Variants in LRRC7 observed in about 807,000 individuals in gnomAD.
LRRC7 encodes leucine-rich repeat-containing protein 7.
A neutral mutation model predicts 175.7 loss-of-function variants in LRRC7; 23 were observed. The ratio of observed to expected loss-of-function variants is 0.13; its 90% CI spans 0.09 to 0.19. The LOEUF (loss-of-function observed/expected upper bound fraction) is 0.19, where lower values mean the gene tolerates loss of function less well. Among genes scored for constraint, LRRC7 ranks in the 10% least tolerant of loss-of-function variants. The probability of loss-of-function intolerance (pLI) is 1.00; values close to 1 mark genes in which losing one functional copy is unlikely to be tolerated. For synonymous variants in LRRC7, 685 were observed against 680.9 expected (o/e 1.01, Z -0.09); for missense variants, 1,354 against 1,904.7 (o/e 0.71, Z 5.38).
rs1297899119 is a variant in LRRC7, at chr1:69,600,798, T to TC, written c.2+32157_2+32158insC. ...AGCCATTTCTCCAAGGATCTCTGGTTTCTTTTTTTTTTTTTTTTTTTTTTT... is the reference window on the plus strand; with the variant it reads ...AGCCATTTCTCCAAGGATCTCTGGTTCTCTTTTTTTTTTTTTTTTTTTTTTT... On this transcript the variant is annotated intron_variant, in intron 1 of 26. Transcript: ENST00000651989. Among the ~76,000 whole-genome samples the TC allele has an allele frequency of 2.4e-3, 232 of 97,908 alleles. 57 individuals are homozygous for TC. The highest frequency in any genetic ancestry group is 0.015 in the Middle Eastern group (3 of 202). The allele number at this position is 97,908 out of a possible 152,430, so 64.2% of individuals were successfully genotyped here.
chr1:70,097,141 C>T (rs1664465632), intron 25 of LRRC7, among the ~76,000 whole-genome samples: 1 of 151,798 alleles, frequency 6.6e-6, no homozygotes. Flanking sequence ...AATATGATTC[C>T]CCCACCCCTT....
At chr1:70,063,002 C>A (rs151027621) in intron 23 of LRRC7, among the ~76,000 whole-genome samples, 257 of 152,102 alleles carry the variant, frequency 1.7e-3, no homozygotes, top group African/African-American at 6.0e-3. Context: ...TTTCTTAAGA[C>A]AACATTATTC....
At chr1:69,578,467 A>C (rs2100905774) in intron 1 of LRRC7, among the ~76,000 whole-genome samples, 1 of 146,402 alleles carries the variant, frequency 6.8e-6, no homozygotes, top group Admixed American at 6.9e-5. Context: ...ACTATAAATC[A>C]TGCTGCTATA....
At chr1:69,949,188 AC>A (rs1649661380) in intron 8 of LRRC7, among the ~76,000 whole-genome samples, 1 of 151,534 alleles carries the variant, frequency 6.6e-6, no homozygotes. Flanking sequence ...TCCCAGTCCC[AC>A]CCCCCAGAGG....
intron 25 of LRRC7, among the ~76,000 whole-genome samples, chr1:70,095,718 G>T (rs1323773498): frequency 6.6e-6 from 1 of 152,140 alleles, no homozygotes; most frequent in East Asian, 1.9e-4. Context: ...GGGCATAAAT[G>T]TGAAAAAGTA....
intron 17 of LRRC7, among the ~76,000 whole-genome samples, 180 bp downstream of exon 17, chr1:70,023,554 G>A (rs1421689666): frequency 6.6e-6 from 1 of 152,046 alleles, no homozygotes; most frequent in African/African-American, 2.4e-5. Flanking sequence ...AATGGGGTGG[G>A]GAGGACTAAG....
At chr1:69,765,116 G>T (rs1297290924) in intron 3 of LRRC7, among the ~76,000 whole-genome samples, 2 of 152,026 alleles carry the variant, frequency 1.3e-5, no homozygotes, top group African/African-American at 2.4e-5. Flanking sequence ...CTTCCCCAGA[G>T]AATTTTCTTG....
At chr1:69,812,118 T>C (rs1677961690) in intron 4 of LRRC7, among the ~76,000 whole-genome samples, 1 of 152,126 alleles carries the variant, frequency 6.6e-6, no homozygotes, top group Non-Finnish European at 1.5e-5. Context: ...GGATGCTACA[T>C]AGTCAACCCT....
chr1:69,813,325 CA>C (rs1678183265), intron 4 of LRRC7, among the ~76,000 whole-genome samples: 1 of 152,068 alleles, frequency 6.6e-6, no homozygotes, highest in African/African-American at 2.4e-5. Flanking sequence ...AAGGAACTAG[CA>C]AAAAGACTCA....
chr1:69,725,046 G>A (rs1258148357), intron 2 of LRRC7, among the ~76,000 whole-genome samples: 4 of 151,544 alleles, frequency 2.6e-5, no homozygotes, highest in East Asian at 1.9e-4. Context: ...ACTAATACCC[G>A]CTGTTTACTG....
rs1237636735 is a variant in LRRC7 at position 70,098,942 on chromosome 1, A to G, written c.4546-8810A>G. On this transcript the variant is annotated intron_variant, in intron 25 of 26. Coordinates refer to ENST00000651989, the MANE Select transcript of LRRC7 (RefSeq NM_001370785.2). ...TCTGAAACTATTCCAATCAATAGAA[A>G]AAGAGGGGATCCTCCCTAACTCATT... 3.9e-5 allele frequency among the ~76,000 whole-genome samples: 6 copies of G among 152,188 alleles called. No homozygotes were observed. The East Asian group carries it at 1.2e-3, about 29-fold the overall frequency.
In LRRC7 at chr1:70,135,030, TTACA is replaced by T. The variant is rs1448064657; in HGVS notation, c.*13146_*13149del. On this transcript the variant is annotated 3_prime_UTR_variant, in exon 27 of 27. Transcript: ENST00000651989. ...AACTATTTAAATACTAGAATGAAAA[TTACA>T]TAGAATTTTACTGAAGAGTATAAGA... Among the ~76,000 whole-genome samples, 1 of 152,230 alleles carries T rather than the reference TTACA, an allele frequency of 6.6e-6. No individual in the cohort carries two copies. The highest frequency in any genetic ancestry group is 1.5e-5 in the Non-Finnish European group (1 of 68,040).
chr1:69,641,147 ATT>A (rs1557529533), intron 1 of LRRC7, among the ~76,000 whole-genome samples: 4 of 151,646 alleles, frequency 2.6e-5, no homozygotes, highest in Non-Finnish European at 5.9e-5. Flanking sequence ...AACTTTTTAC[ATT>A]AGGAATAAAT....
chr1:70,029,233 G>A (rs1280960832), intron 18 of LRRC7, among the ~76,000 whole-genome samples: 1 of 152,064 alleles, frequency 6.6e-6, no homozygotes, highest in African/African-American at 2.4e-5. Flanking sequence ...ATTTAAAGCT[G>A]ATACACTTAA....
chr1:69,916,881 G>A (rs1009070404), intron 7 of LRRC7, among the ~76,000 whole-genome samples: 8 of 152,010 alleles, frequency 5.3e-5, no homozygotes, highest in East Asian at 3.8e-4. Context: ...AAATAAAATA[G>A]GGTAATATAT....
At chr1:69,850,885 T>C (rs1040132326) in intron 7 of LRRC7, among the ~76,000 whole-genome samples, 1 of 152,076 alleles carries the variant, frequency 6.6e-6, no homozygotes, top group Non-Finnish European at 1.5e-5. Context: ...CATCAGTGTA[T>C]AGATTATATT....
intron 7 of LRRC7, 47 bp downstream of exon 7, chr1:69,838,330 C>G: frequency 7.2e-7 from 1 of 1,398,466 alleles, no homozygotes; most frequent in Non-Finnish European, 1.0e-6. Flanking sequence ...ATTTTTTTCA[C>G]TAGTAAGAGA....
intron 13 of LRRC7, among the ~76,000 whole-genome samples, chr1:70,013,565 G>C (rs914639527): frequency 6.6e-6 from 1 of 151,870 alleles, no homozygotes; most frequent in African/African-American, 2.4e-5. Context: ...CGAAATGGCT[G>C]TTTAGTCATG....
chr1:69,605,848 G>T (rs1647464764), intron 1 of LRRC7, among the ~76,000 whole-genome samples: 1 of 152,016 alleles, frequency 6.6e-6, no homozygotes, highest in Admixed American at 6.6e-5. Flanking sequence ...AATCTACTTT[G>T]ACTAGATTAT....
Sources: allele counts gnomAD v4.1 joint callset (sites outside exome capture counted in the v4.1 genomes callset), GRCh38; gene constraint gnomAD v4.1.1; transcripts MANE v1.5; gene names NCBI Gene and HGNC (gene_info 2026-07-23, HGNC 2026-07-21).